ANKS1B: variants seen among roughly 807,000 people sequenced by gnomAD.
ANKS1B encodes ankyrin repeat and sterile alpha motif domain-containing protein 1B.
A neutral mutation model predicts 148.3 loss-of-function variants in ANKS1B; 36 were observed. That is an observed-to-expected ratio of 0.24 (90% CI 0.19 to 0.32). ANKS1B has a LOEUF of 0.32. ANKS1B is among the 10% of genes least tolerant of loss of function. ANKS1B has a pLI of 1.00. For missense variants in ANKS1B, 1,157 were observed against 1,542.6 expected (o/e 0.75, Z 4.19); for synonymous variants, 542 against 560.8 (o/e 0.97, Z 0.47).
At chr12:99,237,030 G>A (rs2088113922) in intron 14 of ANKS1B, among the ~76,000 whole-genome samples, 1 of 151,994 alleles carries the variant, frequency 6.6e-6, no homozygotes, top group Non-Finnish European at 1.5e-5. Context: ...AAATAATCTG[G>A]ACAACAAACC....
At chr12:99,241,051 G>A (rs1375294753) in intron 14 of ANKS1B, among the ~76,000 whole-genome samples, 4 of 152,112 alleles carry the variant, frequency 2.6e-5, no homozygotes, top group African/African-American at 9.7e-5. Flanking sequence ...TAAGATCAGA[G>A]CAGAATTGAA....
intron 22 of ANKS1B, among the ~76,000 whole-genome samples, chr12:98,792,750 AGGCT>A (rs1311244438): frequency 6.6e-6 from 1 of 152,226 alleles, no homozygotes; most frequent in African/African-American, 2.4e-5. Context: ...AATGTCTTCC[AGGCT>A]CATCTATGTT....
Position 98,745,696 on chromosome 12 carries a change from G to T in ANKS1B, c.*43C>A. The T allele has an allele frequency of 6.2e-7, 1 of 1,606,410 alleles. No homozygotes were observed. Among genetic ancestry groups the T allele is most frequent in the Non-Finnish European group, 8.5e-7 (1 of 1,175,838 alleles). On this transcript the variant is annotated 3_prime_UTR_variant, in exon 27 of 27. Transcript: ENST00000683438. ...GCGAAGGAAAGCCTGCTCCGGGACC[G>T]CTTGGCGAGCAAGGCACCGCGAGGA...
intron 17 of ANKS1B, among the ~76,000 whole-genome samples, chr12:98,988,082 C>T (rs1350325035): frequency 6.6e-6 from 1 of 152,152 alleles, no homozygotes; most frequent in East Asian, 1.9e-4. Flanking sequence ...GTATAATTAA[C>T]ATGTGCATTA....
intron 12 of ANKS1B, among the ~76,000 whole-genome samples, chr12:99,333,763 C>A (rs920108870): frequency 6.6e-6 from 1 of 151,688 alleles, no homozygotes. Flanking sequence ...CCATCTCCAG[C>A]CCCTTTTCTA....
intron 12 of ANKS1B, among the ~76,000 whole-genome samples, chr12:99,340,411 T>A (rs1043442410): frequency 2.6e-5 from 4 of 152,112 alleles, no homozygotes; most frequent in African/African-American, 9.7e-5. Flanking sequence ...AGCAATACAG[T>A]CATGTATCAC....
chr12:99,478,917 C>T (rs576288717), intron 10 of ANKS1B, among the ~76,000 whole-genome samples: 118 of 152,080 alleles, frequency 7.8e-4, no homozygotes, highest in Non-Finnish European at 1.4e-3. Flanking sequence ...TTTTCTAATA[C>T]CCATATTAAA....
chr12:99,185,100 G>T (rs566554090), intron 14 of ANKS1B, among the ~76,000 whole-genome samples: 2 of 152,312 alleles, frequency 1.3e-5, no homozygotes, highest in Non-Finnish European at 2.9e-5. Flanking sequence ...TCCAAGAGCT[G>T]CATCAGAACA....
chr12:98,892,407 G>A (rs1365528159), intron 17 of ANKS1B, among the ~76,000 whole-genome samples: 1 of 152,164 alleles, frequency 6.6e-6, no homozygotes, highest in African/African-American at 2.4e-5. Flanking sequence ...ACGATTATTA[G>A]GAATGGCTTC....
intron 9 of ANKS1B, among the ~76,000 whole-genome samples, chr12:99,642,963 G>T (rs538016667): frequency 4.6e-4 from 70 of 152,052 alleles, no homozygotes; most frequent in African/African-American, 1.6e-3. Context: ...CACACTATAA[G>T]TACCTTCATA....
Position 98,953,537 on chromosome 12 carries a change from G to GTTTTTTTTTTTTTTTTTTTT in ANKS1B, c.2778+99600_2778+99619dup, listed in dbSNP as rs1166158783. Among the ~76,000 whole-genome samples, 13 of 57,456 alleles carry GTTTTTTTTTTTTTTTTTTTT rather than the reference G, an allele frequency of 2.3e-4. 1 individual carries two copies. The highest frequency in any genetic ancestry group is 8.1e-4 in the African/African-American group (11 of 13,570). 37.7% of individuals were successfully genotyped at this position (57,456 alleles called of 152,430 possible). A position where few individuals can be genotyped will look rare whatever the true frequency, so the allele number is the denominator to read the frequency against. On this transcript the variant is annotated intron_variant, in intron 17 of 26. Coordinates refer to ENST00000683438, the MANE Select transcript of ANKS1B (RefSeq NM_001352186.2). ...CATGTCCATTTGAGAATCTAGAGTG[G>GTTTTTTTTTTTTTTTTTTTT]TTTTTTTTTTTTTTTTTTTTTTTTT... is the stretch of plus-strand genomic sequence containing the variant.
intron 9 of ANKS1B, among the ~76,000 whole-genome samples, chr12:99,546,056 A>C (rs1179587695): frequency 1.3e-5 from 2 of 152,106 alleles, no homozygotes; most frequent in East Asian, 3.9e-4. Context: ...ACTCTGCCAG[A>C]TGAAATGGTC....
chr12:98,985,344 T>A (rs1041062632), intron 17 of ANKS1B, among the ~76,000 whole-genome samples: 1 of 152,154 alleles, frequency 6.6e-6, no homozygotes, highest in African/African-American at 2.4e-5. Context: ...CCTTGCTTTT[T>A]AAGATGATAT....
intron 1 of ANKS1B, among the ~76,000 whole-genome samples, chr12:99,893,002 A>T (rs2093192873): frequency 6.6e-6 from 1 of 152,166 alleles, no homozygotes; most frequent in African/African-American, 2.4e-5. Flanking sequence ...CTCCACAGTA[A>T]TAAGCTTCAC....
At chr12:99,979,647 T>C (rs1203572266) in intron 1 of ANKS1B, among the ~76,000 whole-genome samples, 1 of 152,098 alleles carries the variant, frequency 6.6e-6, no homozygotes, top group African/African-American at 2.4e-5. Flanking sequence ...GAATTACCAA[T>C]GGCTCACTGC....
chr12:99,355,643 T>C (rs963930466), intron 12 of ANKS1B, among the ~76,000 whole-genome samples: 1 of 152,186 alleles, frequency 6.6e-6, no homozygotes, highest in Non-Finnish European at 1.5e-5. Flanking sequence ...TTCTAATAGT[T>C]TGCCCCCTTA....
chr12:99,508,996 T>A (rs920057788), intron 9 of ANKS1B, among the ~76,000 whole-genome samples: 4 of 151,968 alleles, frequency 2.6e-5, no homozygotes, highest in African/African-American at 9.7e-5. Flanking sequence ...ATATGTCAAA[T>A]TTTTCATTAT....
chr12:99,740,966 A>G (rs1417963710), intron 8 of ANKS1B, among the ~76,000 whole-genome samples: 1 of 152,152 alleles, frequency 6.6e-6, no homozygotes, highest in Non-Finnish European at 1.5e-5. Context: ...GCACAAAAGT[A>G]GGTGGCAATT....
chr12:98,816,544 G>A (rs1050735691), intron 19 of ANKS1B, among the ~76,000 whole-genome samples: 9 of 152,048 alleles, frequency 5.9e-5, no homozygotes, highest in South Asian at 4.2e-4. Flanking sequence ...CCCTCGCCTC[G>A]GCCTCCCAAA....
Sources: allele counts gnomAD v4.1 joint callset (sites outside exome capture counted in the v4.1 genomes callset), GRCh38; gene constraint gnomAD v4.1.1; transcripts MANE v1.5; gene names NCBI Gene and HGNC (gene_info 2026-07-23, HGNC 2026-07-21).